DRC11: variants seen among roughly 807,000 people sequenced by gnomAD.
DRC11 encodes IQ and AAA domain-containing protein 1.
At chr2:236,371,009 C>G in the DRC11 span, among the ~76,000 whole-genome samples, 1 of 152,154 alleles carries the variant, frequency 6.6e-6, no homozygotes, top group African/African-American at 2.4e-5. This position sits in a 1 kb window ranked among gnomAD's most constrained non-coding sequence, Gnocchi z 5.1. Flanking sequence ...GATTACAAAT[C>G]TCAAGACTAA....
the DRC11 span, among the ~76,000 whole-genome samples, chr2:236,496,713 G>A: frequency 6.6e-6 from 1 of 152,164 alleles, no homozygotes; most frequent in African/African-American, 2.4e-5. The surrounding 1 kb of genome is among the most constrained non-coding windows in gnomAD (Gnocchi z 6.3). Context: ...CATTCCCCTG[G>A]GTCACCACTG....
the DRC11 span, chr2:236,465,855 GCTAA>G: frequency 1.6e-6 from 1 of 623,350 alleles, no homozygotes; most frequent in South Asian, 2.0e-5. The surrounding 1 kb of genome is among the most constrained non-coding windows in gnomAD (Gnocchi z 6.2). Context: ...AGGAAGCAAA[GCTAA>G]CTGAGTGCAT....
the DRC11 span, among the ~76,000 whole-genome samples, chr2:236,355,560 G>A: frequency 6.6e-6 from 1 of 152,094 alleles, no homozygotes; most frequent in Non-Finnish European, 1.5e-5. Flanking sequence ...CACTGGAGCC[G>A]CTAAATCCTG....
the DRC11 span, chr2:236,488,025 C>T: frequency 1.3e-6 from 2 of 1,599,480 alleles, no homozygotes; most frequent in Non-Finnish European, 1.7e-6. Context: ...TGCAGCAGCC[C>T]AGGTATCTGT....
At chr2:236,389,236 C>T in the DRC11 span, among the ~76,000 whole-genome samples, 13,868 of 152,292 alleles carry the variant, frequency 0.091, 1,130 homozygotes, top group African/African-American at 0.21. Flanking sequence ...CAAGCCTGGG[C>T]AATGGCGGGC....
At chr2:236,448,107 G>A in the DRC11 span, among the ~76,000 whole-genome samples, 1 of 152,128 alleles carries the variant, frequency 6.6e-6, no homozygotes, top group South Asian at 2.1e-4. The surrounding 1 kb of genome is among the most constrained non-coding windows in gnomAD (Gnocchi z 5.3). Flanking sequence ...TTTTAATTAG[G>A]AAAGATCTCT....
At chr2:236,443,213 C>G in the DRC11 span, among the ~76,000 whole-genome samples, 1 of 152,142 alleles carries the variant, frequency 6.6e-6, no homozygotes, top group Non-Finnish European at 1.5e-5. The surrounding 1 kb of genome is among the most constrained non-coding windows in gnomAD (Gnocchi z 4.4). Context: ...GGTACATGAG[C>G]AGGATGTGCA....
the DRC11 span, among the ~76,000 whole-genome samples, chr2:236,407,322 A>G: frequency 1.3e-5 from 2 of 152,194 alleles, no homozygotes; most frequent in African/African-American, 4.8e-5. Flanking sequence ...TACGGTAGTA[A>G]GAAATAAACC....
At chr2:236,338,125 A>G in the DRC11 span, 6 of 1,440,212 alleles carry the variant, frequency 4.2e-6, no homozygotes, top group East Asian at 1.5e-4. Context: ...CACCGGGTCC[A>G]AGGGCCGCCC....
the DRC11 span, chr2:236,507,254 T>C: frequency 6.2e-6 from 10 of 1,613,878 alleles, no homozygotes; most frequent in African/African-American, 1.3e-4. Flanking sequence ...GCCCATCACT[T>C]ACGCGTTCGA....
the DRC11 span, among the ~76,000 whole-genome samples, chr2:236,350,923 C>A: frequency 6.6e-6 from 1 of 152,112 alleles, no homozygotes; most frequent in Non-Finnish European, 1.5e-5. The surrounding 1 kb of genome is among the most constrained non-coding windows in gnomAD (Gnocchi z 5.2). Flanking sequence ...GGCATGGAAA[C>A]TGGGGCAGTG....
At chr2:236,358,611 G>A in the DRC11 span, among the ~76,000 whole-genome samples, 35 of 145,194 alleles carry the variant, frequency 2.4e-4, 1 homozygote, top group East Asian at 9.7e-4. Flanking sequence ...AGGGGACAGC[G>A]GAGCGGGAAG....
chr2:236,483,950 T>C, the DRC11 span, among the ~76,000 whole-genome samples: 18 of 152,344 alleles, frequency 1.2e-4, no homozygotes, highest in South Asian at 2.1e-3. This position sits in a 1 kb window ranked among gnomAD's most constrained non-coding sequence, Gnocchi z 4.8. Context: ...AGGTTTATGG[T>C]TGATCATAGA....
chr2:236,356,199 G>A, the DRC11 span, among the ~76,000 whole-genome samples: 3 of 152,190 alleles, frequency 2.0e-5, no homozygotes, highest in African/African-American at 7.2e-5. Context: ...GAGGGCCCTC[G>A]ACCCAGATCC....
At chr2:236,394,748 C>CTACG in the DRC11 span, among the ~76,000 whole-genome samples, 1 of 152,156 alleles carries the variant, frequency 6.6e-6, no homozygotes, top group African/African-American at 2.4e-5. The surrounding 1 kb of genome is among the most constrained non-coding windows in gnomAD (Gnocchi z 7.0). Flanking sequence ...CCTGGACAGA[C>CTACG]TACGGCACGG....
chr2:236,363,974 C>T, the DRC11 span: 2 of 1,612,176 alleles, frequency 1.2e-6, no homozygotes, highest in Non-Finnish European at 1.7e-6. This position sits in a 1 kb window ranked among gnomAD's most constrained non-coding sequence, Gnocchi z 5.6. Flanking sequence ...TGCACTGCTG[C>T]AGAACCTAAA....
the DRC11 span, among the ~76,000 whole-genome samples, chr2:236,470,143 T>A: frequency 2.0e-5 from 3 of 152,340 alleles, no homozygotes; most frequent in Admixed American, 6.5e-5. The surrounding 1 kb of genome is among the most constrained non-coding windows in gnomAD (Gnocchi z 5.1). Flanking sequence ...TAATGTTTGA[T>A]GGGCTTTGTC....
the DRC11 span, among the ~76,000 whole-genome samples, chr2:236,418,654 A>G: frequency 0.023 from 3,559 of 152,266 alleles, 102 homozygotes; most frequent in Admixed American, 0.065. Flanking sequence ...GACGGGCCCA[A>G]TGTGACACTG....
chr2:236,409,668 G>C, the DRC11 span, among the ~76,000 whole-genome samples: 1 of 151,920 alleles, frequency 6.6e-6, no homozygotes, highest in Non-Finnish European at 1.5e-5. Context: ...GGTGAGAGAG[G>C]GCATCCCTGT....
Sources: gnomAD v4.1 joint callset for allele counts (sites outside exome capture counted in the v4.1 genomes callset) on GRCh38, gnomAD v4.1.1 for gene constraint, Gnocchi (gnomAD v3.1) non-coding constraint, MANE v1.5 for transcripts, NCBI Gene and HGNC (gene_info 2026-07-23, HGNC 2026-07-21) for gene names.